The following COP1 variants were observed in gnomAD, a reference collection of about 807,000 sequenced individuals.
COP1 encodes E3 ubiquitin-protein ligase COP1.
In COP1, 24 loss-of-function variants were observed where a neutral mutation model predicts 101.3. The ratio of observed to expected loss-of-function variants is 0.24; its 90% CI spans 0.17 to 0.33. The LOEUF (loss-of-function observed/expected upper bound fraction) is 0.33, where lower values mean the gene tolerates loss of function less well. COP1 is among the 10% of genes least tolerant of loss of function. The pLI, the probability that COP1 is intolerant of heterozygous loss-of-function variation, is 1.00. For missense variants in COP1, 663 were observed against 906.2 expected (o/e 0.73, Z 3.45); for synonymous variants, 347 against 341.9 (o/e 1.01, Z -0.17).
intron 15 of COP1, among the ~76,000 whole-genome samples, chr1:176,021,671 A>G (rs917781805): frequency 1.3e-5 from 2 of 152,114 alleles, no homozygotes; most frequent in African/African-American, 4.8e-5. Flanking sequence ...ATTAACAATG[A>G]TAGGAAAGAA....
chr1:176,205,814 A>T (rs1700783280), intron 1 of COP1, among the ~76,000 whole-genome samples: 1 of 152,202 alleles, frequency 6.6e-6, no homozygotes, highest in South Asian at 2.1e-4. Context: ...GCATTTCTCA[A>T]GTCAGAAGTT....
chr1:176,152,150 G>T (rs921727287), intron 5 of COP1, among the ~76,000 whole-genome samples: 21 of 152,094 alleles, frequency 1.4e-4, no homozygotes, highest in Non-Finnish European at 2.6e-4. Flanking sequence ...AACTAGCTGG[G>T]CATAGTGGCA....
intron 11 of COP1, among the ~76,000 whole-genome samples, chr1:176,061,330 G>A (rs1558028202): frequency 6.6e-6 from 1 of 152,186 alleles, no homozygotes; most frequent in African/African-American, 2.4e-5. Context: ...ATACTGGCAG[G>A]AAAAAACTGA....
At chr1:176,139,675 T>C (rs1690368286) in intron 6 of COP1, among the ~76,000 whole-genome samples, 1 of 152,178 alleles carries the variant, frequency 6.6e-6, no homozygotes, top group Admixed American at 6.6e-5. Flanking sequence ...TGGATGGAGC[T>C]GGAAGCCATC....
At chr1:175,962,922 G>A (rs998802140) in intron 18 of COP1, among the ~76,000 whole-genome samples, 1 of 152,142 alleles carries the variant, frequency 6.6e-6, no homozygotes, top group Non-Finnish European at 1.5e-5. Context: ...CGCAAACATA[G>A]TTCAAGATTT....
chr1:176,073,142 C>T (rs1677313405), intron 11 of COP1, among the ~76,000 whole-genome samples: 1 of 152,042 alleles, frequency 6.6e-6, no homozygotes, highest in African/African-American at 2.4e-5. Flanking sequence ...AGGTTAATAG[C>T]AATATCTTGC....
chr1:176,106,005 T>C (rs556556328), intron 9 of COP1, among the ~76,000 whole-genome samples: 1 of 152,200 alleles, frequency 6.6e-6, no homozygotes, highest in East Asian at 1.9e-4. Flanking sequence ...GGGAGGAACT[T>C]AGTTTACAGG....
At chr1:176,150,909 T>G (rs1433777155) in intron 5 of COP1, among the ~76,000 whole-genome samples, 1 of 152,070 alleles carries the variant, frequency 6.6e-6, no homozygotes, top group African/African-American at 2.4e-5. Context: ...AGAAAAGAGA[T>G]GAATGGCAAA....
intron 1 of COP1, among the ~76,000 whole-genome samples, chr1:176,188,873 G>GCAT (rs1302124799): frequency 6.6e-6 from 1 of 150,394 alleles, no homozygotes; most frequent in Non-Finnish European, 1.5e-5. Flanking sequence ...AGAGAACAAA[G>GCAT]CATCCCAGAG....
intron 13 of COP1, among the ~76,000 whole-genome samples, chr1:176,043,483 A>G (rs1293082725): frequency 6.6e-6 from 1 of 152,220 alleles, no homozygotes; most frequent in East Asian, 1.9e-4. Flanking sequence ...AATTTACCTG[A>G]TACATTCCAT....
chr1:176,095,347 C>T (rs995368711), intron 9 of COP1, among the ~76,000 whole-genome samples: 1 of 152,150 alleles, frequency 6.6e-6, no homozygotes, highest in Admixed American at 6.5e-5. Context: ...AAGATCTTTT[C>T]AGGAATCTGG....
chr1:176,102,751 A>T (rs1683629989), intron 9 of COP1, among the ~76,000 whole-genome samples: 1 of 152,142 alleles, frequency 6.6e-6, no homozygotes. Flanking sequence ...CCCTCCTTAA[A>T]CTGTTCCTAA....
chr1:176,074,349 A>C (rs1677574185), intron 11 of COP1, among the ~76,000 whole-genome samples: 1 of 152,198 alleles, frequency 6.6e-6, no homozygotes, highest in African/African-American at 2.4e-5. Flanking sequence ...AAAGCAAAAA[A>C]TCAACAGAGC....
intron 6 of COP1, among the ~76,000 whole-genome samples, chr1:176,148,554 T>C (rs913660130): frequency 6.6e-6 from 1 of 152,152 alleles, no homozygotes; most frequent in African/African-American, 2.4e-5. Context: ...GATACAAAAT[T>C]GCCTTTTAAC....
intron 14 of COP1, among the ~76,000 whole-genome samples, chr1:176,028,555 T>A (rs1668085911): frequency 1.4e-5 from 2 of 145,230 alleles, no homozygotes; most frequent in African/African-American, 2.5e-5. Flanking sequence ...TGAAATGAAA[T>A]AAAAAAAGAA....
intron 18 of COP1, among the ~76,000 whole-genome samples, chr1:175,981,720 G>T (rs978613731): frequency 1.3e-5 from 2 of 152,086 alleles, no homozygotes; most frequent in Non-Finnish European, 2.9e-5. Context: ...ACAACATGTG[G>T]ATTGGGAGAA....
chr1:176,154,648 G>A (rs970711456), intron 5 of COP1, among the ~76,000 whole-genome samples: 17 of 152,116 alleles, frequency 1.1e-4, no homozygotes, highest in African/African-American at 4.1e-4. Context: ...TAGAGGGTGG[G>A]AAGAGGAAAA....
At chr1:175,961,142 T>G (rs1462351146) in intron 18 of COP1, among the ~76,000 whole-genome samples, 1 of 152,208 alleles carries the variant, frequency 6.6e-6, no homozygotes, top group Non-Finnish European at 1.5e-5. Flanking sequence ...CCTAAGATTC[T>G]GCCATGCTAC....
rs192180138 is a variant in COP1 at position 176,179,013 on chromosome 1, G to A, written c.468-3006C>T. Among the ~76,000 whole-genome samples the A allele has an allele frequency of 4.4e-4, 66 of 151,596 alleles. 1 individual carries two copies. Among genetic ancestry groups the A allele is most frequent in the Admixed American group, 2.8e-3 (43 of 15,214 alleles). ...TTTTTTTTTAAAAAAAGACAAGGCC[G>A]GGTGCAGCGGCTCACGCCGTAATCC... On this transcript the variant is annotated intron_variant, in intron 2 of 19. Coordinates refer to ENST00000367669, the MANE Select transcript of COP1 (RefSeq NM_022457.7).
Sources: allele counts gnomAD v4.1 joint callset (sites outside exome capture counted in the v4.1 genomes callset), GRCh38; gene constraint gnomAD v4.1.1; transcripts MANE v1.5; gene names NCBI Gene and HGNC (gene_info 2026-07-23, HGNC 2026-07-21).